The following PCDHA3 variants were observed in gnomAD, a reference collection of about 807,000 sequenced individuals.
PCDHA3 encodes the protein protocadherin alpha 3, also known as protocadherin alpha-3.
A neutral mutation model predicts 62.2 loss-of-function variants in PCDHA3; 41 were observed. The observed-to-expected ratio is 0.66, with a 90% CI of 0.51 to 0.86. The LOEUF (loss-of-function observed/expected upper bound fraction) is 0.86, where lower values mean the gene tolerates loss of function less well. Among genes scored for constraint, PCDHA3 ranks in the 40% least tolerant of loss-of-function variants. The pLI is 0.00. For missense variants in PCDHA3, 1,304 were observed against 1,241.2 expected, an observed-to-expected ratio of 1.05 and a Z score of -0.76; for synonymous variants, 640 against 555.4, an observed-to-expected ratio of 1.15 and a Z score of -2.14.
In PCDHA3 at chr5:140,927,196, G is replaced by A. The variant is rs781932405; in HGVS notation, c.2395-51753G>A. On this transcript the variant is annotated intron_variant, in intron 1 of 3. Coordinates refer to ENST00000522353, the MANE Select transcript of PCDHA3 (RefSeq NM_018906.3). ...CGTCTTGACCTACGACCTGGTGCTC[G>A]AGGACCCGCTGGAGCTGCACAAGAT... The A allele has an allele frequency of 5.6e-6, 9 of 1,614,028 alleles. No homozygotes were observed. In the South Asian group the frequency reaches 7.7e-5, roughly 14 times the overall value.
At chr5:140,808,647 A>G in intron 1 of PCDHA3, 1 of 1,613,334 alleles carries the variant, frequency 6.2e-7, no homozygotes, top group Non-Finnish European at 8.5e-7. Flanking sequence ...GCGCAGGAGA[A>G]CGCGCTGGTG....
intron 1 of PCDHA3, chr5:140,851,981 G>A: frequency 1.0e-6 from 1 of 976,468 alleles, no homozygotes; most frequent in Non-Finnish European, 1.2e-6. Flanking sequence ...TACCTTTAGT[G>A]CAAGCTATTT....
chr5:140,905,776 GT>G (rs1255347430), intron 1 of PCDHA3, among the ~76,000 whole-genome samples: 1 of 152,068 alleles, frequency 6.6e-6, no homozygotes, highest in African/African-American at 2.4e-5. Flanking sequence ...ATTCCGAAGT[GT>G]ATTAGTCAGG....
At chr5:140,876,625 G>A (rs2056468121) in intron 1 of PCDHA3, 1 of 1,614,192 alleles carries the variant, frequency 6.2e-7, no homozygotes. Context: ...CAATGGACAG[G>A]TCATCTGCTC....
At position 140,836,649 on chromosome 5, in the gene PCDHA3, C is replaced by A; in HGVS notation, c.2394+33058C>A. The A allele has an allele frequency of 2.5e-6, 4 of 1,613,466 alleles. 1 individual carries two copies. The highest frequency in any genetic ancestry group is 3.4e-6 in the Non-Finnish European group (4 of 1,179,602). On this transcript the variant is annotated intron_variant, in intron 1 of 3. Transcript: ENST00000522353. ...CTGGTCATTCTCCCAGCAGAGGCGGCAGAGGGTGTGCTCTGGGGAGGGCCC... is the reference window on the plus strand; with the variant it reads ...CTGGTCATTCTCCCAGCAGAGGCGGAAGAGGGTGTGCTCTGGGGAGGGCCC...
rs527332783 is a variant in PCDHA3, at chr5:140,855,952, A to G, written c.2394+52361A>G. Reference sequence around the variant, plus strand: ...TCATTCTGAGATCTCAGCCATTTCGATAAAAAATAGATATAAGAAATAGGA... The same window carrying G: ...TCATTCTGAGATCTCAGCCATTTCGGTAAAAAATAGATATAAGAAATAGGA... On this transcript the variant is annotated intron_variant, in intron 1 of 3. Transcript: ENST00000522353. The G allele has an allele frequency of 2.9e-6, 4 of 1,380,786 alleles. No individual in the cohort carries two copies. The African/African-American group carries it at 5.8e-5, about 20-fold the overall frequency. The allele number at this position is 1,380,786 out of a possible 1,614,324, so 85.5% of individuals were successfully genotyped here.
intron 1 of PCDHA3, among the ~76,000 whole-genome samples, chr5:140,917,561 C>T (rs1286710001): frequency 6.6e-6 from 1 of 152,214 alleles, no homozygotes; most frequent in Non-Finnish European, 1.5e-5. Flanking sequence ...ACTCTTTAAT[C>T]CATCTCAGGC....
chr5:140,808,686 G>C, intron 1 of PCDHA3: 1 of 1,612,398 alleles, frequency 6.2e-7, no homozygotes, highest in Non-Finnish European at 8.5e-7. Context: ...CGGCGGGTAG[G>C]GGAGCGCGCG....
Position 140,856,434 on chromosome 5 carries a change from C to T in PCDHA3, c.2394+52843C>T, listed in dbSNP as rs551569829. 39 of 1,598,320 alleles carry T rather than the reference C, an allele frequency of 2.4e-5. 3 individuals carry two copies. The South Asian group carries it at 3.9e-4, about 16-fold the overall frequency. On this transcript the variant is annotated intron_variant, in intron 1 of 3. Coordinates refer to ENST00000522353, the MANE Select transcript of PCDHA3 (RefSeq NM_018906.3). Reference sequence around the variant, plus strand: ...GAAGTGAAGGACATTAACGACAACCCGCCCAGGTTCTCCGTAACAGAACAA... The same window carrying T: ...GAAGTGAAGGACATTAACGACAACCTGCCCAGGTTCTCCGTAACAGAACAA...
intron 1 of PCDHA3, among the ~76,000 whole-genome samples, chr5:140,915,616 GTC>G (rs1166585947): frequency 7.5e-6 from 1 of 134,000 alleles, no homozygotes. Context: ...CTGTCAAACA[GTC>G]TCTTTCTGTC....
At chr5:140,922,373 C>A (rs1337198160) in intron 1 of PCDHA3, among the ~76,000 whole-genome samples, 1 of 152,158 alleles carries the variant, frequency 6.6e-6, no homozygotes, top group African/African-American at 2.4e-5. Context: ...CACTGAGATG[C>A]AAAACCAAAG....
intron 1 of PCDHA3, among the ~76,000 whole-genome samples, chr5:140,887,231 A>G (rs570148204): frequency 7.0e-4 from 106 of 151,572 alleles, no homozygotes; most frequent in Admixed American, 1.4e-3. Context: ...CGAGTAGCTG[A>G]GACTACCGGC....
intron 1 of PCDHA3, chr5:140,871,041 T>G (rs782091626): frequency 6.2e-7 from 1 of 1,613,310 alleles, no homozygotes; most frequent in South Asian, 1.1e-5. Flanking sequence ...GCCACCGACT[T>G]CTAGTACTGG....
chr5:140,809,127 T>C (rs781933598), intron 1 of PCDHA3: 19 of 1,613,890 alleles, frequency 1.2e-5, no homozygotes, highest in Non-Finnish European at 1.5e-5. Context: ...CGCCACCGCC[T>C]ACTGGTACTG....
rs868923213 is a variant in PCDHA3 at position 140,920,059 on chromosome 5, G to C, written c.2395-58890G>C. 3.9e-5 allele frequency among the ~76,000 whole-genome samples: 6 copies of C among 152,144 alleles called. No individual in the cohort carries two copies. The South Asian group carries it at 6.2e-4, about 16-fold the overall frequency. The stretch of plus-strand genomic sequence containing the variant: ...GTGATGTCAACAGCCACCAACACCT[G>C]GAAAAGGCAGAAACAGATTCTCCGT... On this transcript the variant is annotated intron_variant, in intron 1 of 3. Transcript: ENST00000522353.
In PCDHA3 at chr5:140,807,974, A is replaced by G. The variant is rs533157814; in HGVS notation, c.2394+4383A>G. On this transcript the variant is annotated intron_variant, in intron 1 of 3. Transcript: ENST00000522353. ...TGTTCCTAATGGAACATTGGTAATTAAACTTAACGCCTCAGATTTAGACGA... is the reference window on the plus strand; with the variant it reads ...TGTTCCTAATGGAACATTGGTAATTGAACTTAACGCCTCAGATTTAGACGA... 67 of 1,613,856 alleles carry G rather than the reference A, an allele frequency of 4.2e-5. 1 individual carries two copies. In the South Asian group the frequency reaches 7.0e-4, roughly 17 times the overall value.
intron 1 of PCDHA3, chr5:140,812,457 CT>C (rs1765115164): frequency 2.0e-5 from 3 of 151,976 alleles, no homozygotes; most frequent in Non-Finnish European, 4.4e-5. Flanking sequence ...TTAATTTAAA[CT>C]TTTTTTCATT....
intron 3 of PCDHA3, among the ~76,000 whole-genome samples, chr5:140,995,470 T>C (rs543327839): frequency 5.6e-4 from 86 of 152,360 alleles, no homozygotes; most frequent in Middle Eastern, 3.4e-3. Flanking sequence ...TTGAAATTTT[T>C]CATTTAATAT....
At chr5:141,008,434 A>G (rs1466409442) in intron 3 of PCDHA3, among the ~76,000 whole-genome samples, 2 of 152,196 alleles carry the variant, frequency 1.3e-5, no homozygotes, top group Admixed American at 6.5e-5. Context: ...CACTTTGCCC[A>G]GACAGACCAT....
Sources: gnomAD v4.1 joint callset for allele counts (sites outside exome capture counted in the v4.1 genomes callset) on GRCh38, gnomAD v4.1.1 for gene constraint, MANE v1.5 for transcripts, NCBI Gene and HGNC (gene_info 2026-07-23, HGNC 2026-07-21) for gene names.